The following ZNF320 variants were observed in gnomAD, a reference collection of about 807,000 sequenced individuals.
ZNF320 encodes zinc finger protein 320.
Under a neutral mutation model 6.8 loss-of-function variants are expected in ZNF320, and 2 were observed. The ratio of observed to expected loss-of-function variants is 0.29; its 90% confidence interval spans 0.12 to 0.93. The LOEUF (loss-of-function observed/expected upper bound fraction) is 0.93. ZNF320 is among the 40% of genes least tolerant of loss of function. ZNF320 has a pLI of 0.55. For synonymous variants in ZNF320, 208 were observed against 203.2 expected, an observed-to-expected ratio of 1.02 and a Z score of -0.20; for missense variants, 472 against 611.0, an observed-to-expected ratio of 0.77 and a Z score of 2.40.
chr19:52,872,791 G>C (rs1273499000), downstream of ZNF320, among the ~76,000 whole-genome samples: 1 of 152,094 alleles, frequency 6.6e-6, no homozygotes, highest in Non-Finnish European at 1.5e-5. Flanking sequence ...GTGAGCCACC[G>C]CGCCCAGCCT....
At chr19:52,902,099 A>G (rs141703503), upstream of ZNF320, among the ~76,000 whole-genome samples, 1,157 of 152,224 alleles carry the variant, frequency 7.6e-3, 13 homozygotes, top group African/African-American at 0.026. Flanking sequence ...GGTCTACTAC[A>G]ATACCACCAC....
Position 52,879,626 on chromosome 19 carries a change from T to A in ZNF320, c.*970A>T, listed in dbSNP as rs753591550. On this transcript the variant is annotated 3_prime_UTR_variant, in exon 6 of 6. Transcript: ENST00000682928. ...GAAATAGCAAAAGAAATCAAACTCA[T>A]CCAAATCAGAAAGAAAGAAGTAAAA... 6.6e-6 allele frequency: 1 copy of A among 152,142 alleles called. No individual in the cohort carries two copies. Among genetic ancestry groups the A allele is most frequent in the Non-Finnish European group, 1.5e-5 (1 of 68,028 alleles). 9.4% of individuals were successfully genotyped at this position (152,142 alleles called of 1,614,324 possible). A position where few individuals can be genotyped will look rare whatever the true frequency, so the allele number is the denominator to read the frequency against.
Position 52,881,953 on chromosome 19 carries a change from A to C in ZNF320, c.173T>G (p.Leu58Trp). The C allele has an allele frequency of 6.2e-7, 1 of 1,607,188 alleles. No individual in the cohort carries two copies. The highest frequency in any genetic ancestry group is 8.5e-7 in the Non-Finnish European group (1 of 1,177,656). The change falls in exon 6 of 6, where the codon TTG becomes TGG. Residue 58 changes from leucine (L) to tryptophan (W), a missense_variant. Around this residue, in one of 2 missense-constraint regions of ZNF320, gnomAD observed 462 missense variants for 559.7 expected, o/e 0.83. Transcript: ENST00000682928. Reference protein sequence around the residue: ...DISSKCMMNTLSSTGQGNTEV... With the variant: ...DISSKCMMNTWSSTGQGNTEV... ...TGTATTGCCTTGCCCTGTTGATGACAATGTATTCATCATGCATTTGGAAGA... is the reference window on the plus strand; with the variant it reads ...TGTATTGCCTTGCCCTGTTGATGACCATGTATTCATCATGCATTTGGAAGA...
chr19:52,902,733 C>T, the ZNF320 span, among the ~76,000 whole-genome samples: 17 of 152,088 alleles, frequency 1.1e-4, no homozygotes, highest in Admixed American at 1.1e-3. Context: ...TTTAATGAAA[C>T]TTTGTAGACA....
rs577792857 is a variant in ZNF320 at position 52,869,802 on chromosome 19, G to A, written c.223+4190C>T. ...GCGATCTCGGCACACTGCAACTTCC[G>A]TCTAATGGTTTCACGCCATTCTCCT... On this transcript the variant is annotated intron_variant, in intron 5 of 5. Coordinates refer to the ZNF320 transcript ENST00000673631. Among the ~76,000 whole-genome samples the A allele has an allele frequency of 1.5e-3, 231 of 152,096 alleles. 1 individual carries two copies. The highest frequency in any genetic ancestry group is 5.2e-3 in the African/African-American group (214 of 41,504).
chr19:52,903,480 G>T, the ZNF320 span, among the ~76,000 whole-genome samples: 2 of 152,010 alleles, frequency 1.3e-5, no homozygotes, highest in African/African-American at 4.8e-5. Flanking sequence ...AAACTGGTCT[G>T]GGTGCCTTGG....
chr19:52,867,151 A>G (rs1041301530), intron 5 of ZNF320, among the ~76,000 whole-genome samples: 22 of 152,164 alleles, frequency 1.4e-4, no homozygotes, highest in Admixed American at 1.0e-3. Context: ...ATATTGGCCA[A>G]AAGCCATGTT....
upstream of ZNF320, among the ~76,000 whole-genome samples, chr19:52,902,319 G>C (rs1437059417): frequency 6.6e-6 from 1 of 152,216 alleles, no homozygotes; most frequent in African/African-American, 2.4e-5. Flanking sequence ...AGAGCTATAT[G>C]TTACTCCAGG....
chr19:52,902,268 C>T (rs893733821), upstream of ZNF320, among the ~76,000 whole-genome samples: 1 of 152,162 alleles, frequency 6.6e-6, no homozygotes, highest in Non-Finnish European at 1.5e-5. Context: ...GCTGGAAGGC[C>T]CTCGGGGGCT....
At position 52,881,590 on chromosome 19, in the gene ZNF320, T is replaced by C. The variant is rs1171328105; in HGVS notation, c.536A>G (p.His179Arg). 3.7e-6 allele frequency: 6 copies of C among 1,613,928 alleles called. No homozygotes were observed. The Admixed American group carries it at 6.7e-5, about 18-fold the overall frequency. ...VFSCKSHLEI[H>R]RIIHTGEKPY... ...TTTCTCTCCAGTATGAATTATCCTA[T>C]GTATTTCAAGATGTGATTTGCAACT... Residue 179 changes from histidine to arginine, a missense_variant, in exon 6 of 6, where the codon CAT (histidine) becomes CGT (arginine). By Grantham distance (29) the His-to-Arg change is conservative. This residue lies in a region of ZNF320 where 462 missense variants were observed against 559.7 expected (regional missense o/e 0.83). Transcript: ENST00000682928.
At chr19:52,861,503 C>T (rs1168544242) in exon 6 of ZNF320, among the ~76,000 whole-genome samples, 1 of 152,130 alleles carries the variant, frequency 6.6e-6, no homozygotes, top group Non-Finnish European at 1.5e-5. Flanking sequence ...AAAAAACTGG[C>T]TGGGAAAAGT....
downstream of ZNF320, among the ~76,000 whole-genome samples, chr19:52,875,067 T>C (rs868613409): frequency 3.3e-5 from 5 of 152,230 alleles, no homozygotes; most frequent in Admixed American, 1.3e-4. Context: ...AACGATGTAT[T>C]TTCTCACTCC....
At chr19:52,874,777 A>T (rs1335021773), downstream of ZNF320, among the ~76,000 whole-genome samples, 1 of 152,182 alleles carries the variant, frequency 6.6e-6, no homozygotes, top group Non-Finnish European at 1.5e-5. Flanking sequence ...AAAAGTTTCC[A>T]TAGAAAAAAG....
chr19:52,863,136 T>C (rs1407066755), exon 6 of ZNF320, among the ~76,000 whole-genome samples: 2 of 152,096 alleles, frequency 1.3e-5, no homozygotes, highest in Non-Finnish European at 2.9e-5. Flanking sequence ...AGTTTTGTAT[T>C]TTTAGTAGAG....
In ZNF320 at chr19:52,868,320, G is replaced by A. The variant is rs8105551; in HGVS notation, c.224-4161C>T. On this transcript the variant is annotated intron_variant, in intron 5 of 5. Coordinates refer to the ZNF320 transcript ENST00000673631. ...TCGGGAGTTCGAGAGCAGTCTGACTGACATGGAAAAACCCTGTCTCTACTT... is the reference window on the plus strand; with the variant it reads ...TCGGGAGTTCGAGAGCAGTCTGACTAACATGGAAAAACCCTGTCTCTACTT... Among the ~76,000 whole-genome samples the A allele has an allele frequency of 8.9e-3, 1,350 of 152,078 alleles. 27 individuals carry two copies. The highest frequency in any genetic ancestry group is 0.031 in the African/African-American group (1,274 of 41,484).
At chr19:52,874,027 C>A (rs763391334), downstream of ZNF320, 1 of 460,750 alleles carries the variant, frequency 2.2e-6, no homozygotes, top group East Asian at 6.5e-5. Context: ...TTTTCTTTGC[C>A]TTCTTGGTGT....
chr19:52,901,483 C>T (rs1209515005), upstream of ZNF320, among the ~76,000 whole-genome samples: 1 of 152,162 alleles, frequency 6.6e-6, no homozygotes, highest in Non-Finnish European at 1.5e-5. Flanking sequence ...CGAAGCTGCT[C>T]TTATCTACGT....
exon 6 of ZNF320, among the ~76,000 whole-genome samples, chr19:52,861,056 CAGAA>C (rs2063484598): frequency 6.6e-6 from 1 of 152,022 alleles, no homozygotes; most frequent in Non-Finnish European, 1.5e-5. Context: ...TCATCCAAAT[CAGAA>C]AGAAAGAAAT....
chr19:52,885,777 A>G (rs2064057921), intron 5 of ZNF320, among the ~76,000 whole-genome samples: 1 of 151,832 alleles, frequency 6.6e-6, no homozygotes, highest in Non-Finnish European at 1.5e-5. Flanking sequence ...GTGGTGGCGC[A>G]TGCCTGTAAT....
Sources: allele counts gnomAD v4.1 joint callset (sites outside exome capture counted in the v4.1 genomes callset), GRCh38; gene constraint gnomAD v4.1.1; regional missense constraint gnomAD v4.1.1; transcripts MANE v1.5; gene names NCBI Gene and HGNC (gene_info 2026-07-23, HGNC 2026-07-21).